The following PHACTR3 variants were observed in gnomAD, a reference collection of about 807,000 sequenced individuals.
The protein encoded by PHACTR3 is protein phosphatase 1, regulatory subunit 123.
A neutral mutation model predicts 66.8 loss-of-function variants in PHACTR3; 16 were observed. The observed-to-expected ratio is 0.24, with a 90% CI of 0.16 to 0.36. PHACTR3 has a LOEUF of 0.36. Among genes scored for constraint, PHACTR3 ranks in the 10% least tolerant of loss-of-function variants. The pLI is 1.00. For synonymous variants in PHACTR3, 323 were observed against 292.1 expected (o/e 1.11, Z -1.08); for missense variants, 647 against 719.9 (o/e 0.90, Z 1.16).
chr20:59,615,160 T>C (rs1037387805), intron 1 of PHACTR3, among the ~76,000 whole-genome samples: 1 of 152,116 alleles, frequency 6.6e-6, no homozygotes, highest in African/African-American at 2.4e-5. Flanking sequence ...AAAAAGAACA[T>C]GACTTGAAAA....
At chr20:59,761,067 AT>A (rs1401090475) in intron 4 of PHACTR3, among the ~76,000 whole-genome samples, 6 of 151,964 alleles carry the variant, frequency 3.9e-5, no homozygotes, top group African/African-American at 1.5e-4. Flanking sequence ...GGAGACAAAC[AT>A]TTCTTCTGCT....
At chr20:59,731,783 A>G (rs1053124242) in intron 1 of PHACTR3, among the ~76,000 whole-genome samples, 3 of 152,182 alleles carry the variant, frequency 2.0e-5, no homozygotes, top group Admixed American at 1.3e-4. Context: ...GGTGCCTTAG[A>G]CAGCTAGAAG....
rs191795452 is a variant in PHACTR3, at chr20:59,795,081, G to A, written c.1175-10960G>A. On this transcript the variant is annotated intron_variant, in intron 7 of 12. Transcript: ENST00000371015. ...TTTTCCTGGTTTCTTGAGGTATAGT[G>A]TTAGGTTGTTTATTTCACATCTTAT... 2.2e-3 allele frequency among the ~76,000 whole-genome samples: 340 copies of A among 151,954 alleles called. 4 individuals carry two copies. The highest frequency in any genetic ancestry group is 8.1e-3 in the African/African-American group (336 of 41,464).
At chr20:59,624,163 CCT>C (rs2034364165) in intron 1 of PHACTR3, among the ~76,000 whole-genome samples, 1 of 151,956 alleles carries the variant, frequency 6.6e-6, no homozygotes. Context: ...GAAAATTGCC[CCT>C]CTTTTGGTGC....
At chr20:59,674,707 C>T (rs958563790) in intron 1 of PHACTR3, among the ~76,000 whole-genome samples, 9 of 97,100 alleles carry the variant, frequency 9.3e-5, no homozygotes, top group African/African-American at 2.9e-4. Flanking sequence ...CTTCTCCTGT[C>T]CCCCCTTCTC....
upstream of PHACTR3, among the ~76,000 whole-genome samples, chr20:59,601,883 T>C (rs923069625): frequency 4.6e-5 from 7 of 152,220 alleles, no homozygotes; most frequent in Admixed American, 1.3e-4. Context: ...CCACTCCATG[T>C]GGGCTCCTGA....
chr20:59,640,307 T>C (rs1358383168), intron 1 of PHACTR3, among the ~76,000 whole-genome samples: 1 of 152,230 alleles, frequency 6.6e-6, no homozygotes, highest in Non-Finnish European at 1.5e-5. Flanking sequence ...ACTTTCTCTC[T>C]AGTTGGGCTA....
intron 5 of PHACTR3, among the ~76,000 whole-genome samples, chr20:59,770,018 A>G (rs1369657817): frequency 6.6e-6 from 1 of 152,222 alleles, no homozygotes; most frequent in African/African-American, 2.4e-5. Context: ...GCGAATGTAT[A>G]ATTTGTTCCT....
intron 8 of PHACTR3, among the ~76,000 whole-genome samples, chr20:59,827,772 C>T (rs1283811486): frequency 1.3e-5 from 2 of 152,174 alleles, no homozygotes; most frequent in East Asian, 3.9e-4. Flanking sequence ...GGCCTGAAGG[C>T]TTGTCACTGT....
At chr20:59,684,534 C>T (rs930063897) in intron 1 of PHACTR3, among the ~76,000 whole-genome samples, 5 of 152,286 alleles carry the variant, frequency 3.3e-5, no homozygotes, top group African/African-American at 1.2e-4. Context: ...TATCTGCAAT[C>T]CACCCTAGGC....
At chr20:59,790,260 T>C (rs2041048733) in intron 7 of PHACTR3, among the ~76,000 whole-genome samples, 1 of 152,202 alleles carries the variant, frequency 6.6e-6, no homozygotes. Context: ...GTTTTCCTGA[T>C]CCTCTCCCTT....
At chr20:59,843,578 C>G (rs1159364123) in intron 11 of PHACTR3, 3 of 152,022 alleles carry the variant, frequency 2.0e-5, no homozygotes, top group Admixed American at 6.6e-5. Context: ...AGAACATAAA[C>G]TGGGGAAAGG....
At chr20:59,690,350 G>A (rs892196891) in intron 1 of PHACTR3, among the ~76,000 whole-genome samples, 4 of 152,162 alleles carry the variant, frequency 2.6e-5, no homozygotes, top group African/African-American at 7.2e-5. Flanking sequence ...GGCCCATCAC[G>A]TCATCCTGTC....
intron 8 of PHACTR3, among the ~76,000 whole-genome samples, chr20:59,809,945 C>T (rs183800204): frequency 2.3e-3 from 352 of 152,294 alleles, no homozygotes; most frequent in African/African-American, 8.2e-3. Flanking sequence ...GTTTAAAAAT[C>T]CTCCCCAGCC....
chr20:59,750,174 A>T (rs1012580323), intron 3 of PHACTR3, among the ~76,000 whole-genome samples: 11 of 151,818 alleles, frequency 7.2e-5, no homozygotes, highest in African/African-American at 2.4e-4. Context: ...GAGTGCAGTG[A>T]AGGATGCAGC....
intron 5 of PHACTR3, among the ~76,000 whole-genome samples, chr20:59,767,596 G>T (rs943119170): frequency 6.6e-6 from 1 of 152,176 alleles, no homozygotes. Context: ...GGGGCTCAGG[G>T]CAGGCCCAGA....
intron 3 of PHACTR3, among the ~76,000 whole-genome samples, chr20:59,748,701 T>C (rs182385854): frequency 2.0e-5 from 3 of 152,302 alleles, no homozygotes; most frequent in African/African-American, 7.2e-5. Context: ...TCACTGCCTC[T>C]GGAAGACTCT....
Position 59,789,906 on chromosome 20 carries a change from C to T in PHACTR3, c.1174+15416C>T, listed in dbSNP as rs2082723712. Among the ~76,000 whole-genome samples the T allele has an allele frequency of 2.6e-5, 4 of 152,328 alleles. No homozygotes were observed. The South Asian group carries it at 8.3e-4, about 32-fold the overall frequency. On this transcript the variant is annotated intron_variant, in intron 7 of 12. Coordinates refer to ENST00000371015, the MANE Select transcript of PHACTR3 (RefSeq NM_080672.5). ...CCCAGCAGGATCCACGACTGCCAAT[C>T]CTGGCTTGCAGTTTGTGCTGGGAAA...
chr20:59,806,305 C>G (rs546451143), intron 8 of PHACTR3, 111 bp downstream of exon 8: 1 of 1,387,550 alleles, frequency 7.2e-7, no homozygotes, highest in East Asian at 2.4e-5. Context: ...AACCCACCGT[C>G]TGCAGCAGGT....
Sources: gnomAD v4.1 joint callset for allele counts (sites outside exome capture counted in the v4.1 genomes callset) on GRCh38, gnomAD v4.1.1 for gene constraint, MANE v1.5 for transcripts, NCBI Gene and HGNC (gene_info 2026-07-23, HGNC 2026-07-21) for gene names.